The following UBQLN4 variants were observed in gnomAD, a reference collection of about 807,000 sequenced individuals.
The protein encoded by UBQLN4 is ubiquilin-4.
UBQLN4 carries 11 observed loss-of-function variants against 60.4 expected under a neutral mutation model. That is an observed-to-expected ratio of 0.18 (90% confidence interval 0.11 to 0.30). UBQLN4 has a LOEUF of 0.30. Among genes scored for constraint, UBQLN4 ranks in the 10% least tolerant of loss-of-function variants. The pLI is 1.00. For missense variants in UBQLN4, 417 were observed against 795.5 expected, an observed-to-expected ratio of 0.52 and a Z score of 5.72; for synonymous variants, 258 against 313.1, an observed-to-expected ratio of 0.82 and a Z score of 1.86.
intron 5 of UBQLN4, among the ~76,000 whole-genome samples, chr1:156,046,905 AAT>A (rs1370568561): frequency 1.3e-5 from 2 of 152,198 alleles, no homozygotes. Context: ...AAAATATGAT[AAT>A]ATATAGACGT....
At position 156,041,944 on chromosome 1, in the gene UBQLN4, G is replaced by A; in HGVS notation, c.1394C>T (p.Ala465Val). ...CTGGATCTGCAGCAATGCCTGCATGGCTCGGGGATTGGTAAGGATGGAGAG... is the reference window on the plus strand; with the variant it reads ...CTGGATCTGCAGCAATGCCTGCATGACTCGGGGATTGGTAAGGATGGAGAG... ...ESLSILTNPR[A>V]MQALLQIQQG... The change falls in exon 9 of 11, where the codon GCC (alanine) becomes GTC (valine). Residue 465 changes from alanine to valine, a missense_variant. Transcript: ENST00000368309. 6.2e-7 allele frequency: 1 copy of A among 1,614,134 alleles called. No homozygotes were observed. The highest frequency in any genetic ancestry group is 8.5e-7 in the Non-Finnish European group (1 of 1,180,010).
rs77660148 is a variant in UBQLN4, at chr1:156,049,674, C to A, written c.741+617G>T. On this transcript the variant is annotated intron_variant, in intron 4 of 10. Coordinates refer to ENST00000368309, the MANE Select transcript of UBQLN4 (RefSeq NM_020131.5). Reference sequence around the variant, plus strand: ...TTCTAGACAGTGAACAAAACACTCACAAGTCCTTGACCTTACATAAATTAT... The same window carrying A: ...TTCTAGACAGTGAACAAAACACTCAAAAGTCCTTGACCTTACATAAATTAT... Among the ~76,000 whole-genome samples the A allele has an allele frequency of 9.2e-5, 14 of 152,368 alleles. No individual in the cohort carries two copies. In the East Asian group the frequency reaches 2.7e-3, roughly 29 times the overall value.
At position 156,050,855 on chromosome 1, in the gene UBQLN4, C is replaced by G. The variant is rs1486711452; in HGVS notation, c.478+255G>C. Among the ~76,000 whole-genome samples, 1 of 152,166 alleles carries G rather than the reference C, an allele frequency of 6.6e-6. No individual in the cohort carries two copies. Among genetic ancestry groups the G allele is most frequent in the East Asian group, 1.9e-4 (1 of 5,198 alleles). ...CCAGACTCACAGGGTCTTCCATTCC[C>G]TTTACCTAGGGTTCCCCACATCCCC... On this transcript the variant is annotated intron_variant, in intron 3 of 10. Coordinates refer to ENST00000368309, the MANE Select transcript of UBQLN4 (RefSeq NM_020131.5). The surrounding 1 kb of genome is among the most constrained non-coding windows in gnomAD (Gnocchi z 4.6).
At chr1:156,034,661 A>C (rs1558083011), downstream of UBQLN4, among the ~76,000 whole-genome samples, 1 of 150,920 alleles carries the variant, frequency 6.6e-6, no homozygotes, top group African/African-American at 2.4e-5. Context: ...GGATGGAGGC[A>C]ATAATCTTAC....
At chr1:156,039,397 T>C (rs1289907659) in intron 10 of UBQLN4, among the ~76,000 whole-genome samples, 3 of 151,806 alleles carry the variant, frequency 2.0e-5, no homozygotes, top group Non-Finnish European at 4.4e-5. Context: ...ATGATAGGCA[T>C]GCGCCACGAC....
At chr1:156,039,442 G>T (rs898355242) in intron 10 of UBQLN4, among the ~76,000 whole-genome samples, 6 of 151,444 alleles carry the variant, frequency 4.0e-5, no homozygotes, top group African/African-American at 1.2e-4. Flanking sequence ...TAGAGACGGG[G>T]TTTCTCCACG....
At chr1:156,045,440 A>C (rs1205785260) in intron 5 of UBQLN4, among the ~76,000 whole-genome samples, 1 of 152,186 alleles carries the variant, frequency 6.6e-6, no homozygotes, top group Non-Finnish European at 1.5e-5. Flanking sequence ...TAAGGACGAA[A>C]TCTCTTTTCC....
chr1:156,032,741 C>T (rs1301224977), downstream of UBQLN4, among the ~76,000 whole-genome samples: 1 of 152,114 alleles, frequency 6.6e-6, no homozygotes, highest in African/African-American at 2.4e-5. Flanking sequence ...TTCGCCTCTC[C>T]GCCAACGACA....
At chr1:156,047,849 G>A (rs1230861665) in intron 5 of UBQLN4, among the ~76,000 whole-genome samples, 1 of 140,982 alleles carries the variant, frequency 7.1e-6, no homozygotes, top group Non-Finnish European at 1.5e-5. Flanking sequence ...CCGAGATTGC[G>A]CCACTGCATT....
intron 5 of UBQLN4, among the ~76,000 whole-genome samples, chr1:156,047,495 A>T (rs1572277866): frequency 6.6e-6 from 1 of 151,496 alleles, no homozygotes; most frequent in Non-Finnish European, 1.5e-5. Flanking sequence ...CGCCCACCTC[A>T]GCCTCCCAAA....
rs1683864956 is a variant in UBQLN4 at position 156,051,313 on chromosome 1, G to A, written c.275C>T (p.Ala92Val). ...IKTPQKAQDP[A>V]AATASSPSTP... The stretch of plus-strand genomic sequence containing the variant: ...GGAGGGGGAAGAAGCAGTGGCAGCA[G>A]CTGGATCTTGAGCCCTGAGGACAGA... The change falls in exon 3 of 11, where the codon GCT becomes GTT. Residue 92 changes from alanine to valine, a missense_variant. By Grantham distance (64) the Ala-to-Val change is moderately conservative (BLOSUM62 0). Transcript: ENST00000368309. 1 of 1,554,684 alleles carries A rather than the reference G, an allele frequency of 6.4e-7. No individual in the cohort carries two copies. Among genetic ancestry groups the A allele is most frequent in the South Asian group, 1.2e-5 (1 of 84,516 alleles).
rs1021761733 is a variant in UBQLN4, at chr1:156,035,998, G to A, written c.*980C>T. ...GGGGGCTCAAACTACTGGTGCCTGG[G>A]GACACAAGCAAGACCTGGGTCCATG... On this transcript the variant is annotated 3_prime_UTR_variant, in exon 11 of 11. Coordinates refer to ENST00000368309, the MANE Select transcript of UBQLN4 (RefSeq NM_020131.5). 1.5e-5 allele frequency: 15 copies of A among 985,602 alleles called. No individual in the cohort carries two copies. The African/African-American group carries it at 2.6e-4, about 17-fold the overall frequency. The allele number at this position is 985,602 out of a possible 1,614,324, so 61.1% of individuals were successfully genotyped here.
At chr1:156,053,015 CA>C (rs1683916879) in intron 1 of UBQLN4, among the ~76,000 whole-genome samples, 1 of 152,152 alleles carries the variant, frequency 6.6e-6, no homozygotes. Context: ...ATGGAGCGGC[CA>C]CAGGGGGTGG....
chr1:156,034,859 A>ATAAT (rs1558083178), downstream of UBQLN4, among the ~76,000 whole-genome samples: 18 of 67,932 alleles, frequency 2.6e-4, no homozygotes, highest in South Asian at 4.5e-4. Context: ...ATATATATAT[A>ATAAT]TATATATATA....
chr1:156,044,076 T>C lies in UBQLN4; in HGVS notation c.1048A>G (p.Thr350Ala), dbSNP rs368377276. ...SQAPGSGGEGTGGSGTSQVHP... is the reference protein window; with the variant it reads ...SQAPGSGGEGAGGSGTSQVHP... ...ACCTGGCTGGTCCCCGATCCTCCGG[T>C]GCCCTCCCCACCGGACCCGGGGGCC... The change falls in exon 6 of 11, where the codon ACC becomes GCC. Residue 350 changes from threonine to alanine, a missense_variant. By Grantham distance (58) the Thr-to-Ala change is moderately conservative. Transcript: ENST00000368309. The C allele has an allele frequency of 2.6e-5, 42 of 1,599,324 alleles. No individual in the cohort carries two copies. The African/African-American group carries it at 5.2e-4, about 20-fold the overall frequency.
chr1:156,053,245 C>T (rs1170856418), intron 1 of UBQLN4, among the ~76,000 whole-genome samples: 2 of 152,084 alleles, frequency 1.3e-5, no homozygotes, highest in Admixed American at 6.5e-5. Context: ...CTCCGCCTGC[C>T]CCCGGCCCGT....
chr1:156,032,958 G>C (rs965658829), downstream of UBQLN4, among the ~76,000 whole-genome samples: 3 of 152,196 alleles, frequency 2.0e-5, no homozygotes, highest in South Asian at 4.1e-4. Context: ...AGGAGGACCA[G>C]AGAGAGGGGC....
chr1:156,049,987 T>G (rs965065963), intron 4 of UBQLN4, among the ~76,000 whole-genome samples: 1 of 152,230 alleles, frequency 6.6e-6, no homozygotes, highest in South Asian at 2.1e-4. Context: ...TGACATTTCT[T>G]AAGGCCTCCT....
At chr1:156,034,881 T>A (rs7517202), downstream of UBQLN4, among the ~76,000 whole-genome samples, 2 of 101,748 alleles carry the variant, frequency 2.0e-5, no homozygotes, top group Non-Finnish European at 4.1e-5. Context: ...AATTTTTTTT[T>A]CTTTTGAGAC....
Sources: gnomAD v4.1 joint callset for allele counts (sites outside exome capture counted in the v4.1 genomes callset) on GRCh38, gnomAD v4.1.1 for gene constraint, Gnocchi (gnomAD v3.1) non-coding constraint, MANE v1.5 for transcripts, NCBI Gene and HGNC (gene_info 2026-07-23, HGNC 2026-07-21) for gene names.